SHC3: variants seen among roughly 807,000 people sequenced by gnomAD.
The protein encoded by SHC3 is SHC adaptor protein 3, also known as SHC-transforming protein 3.
Under a neutral mutation model 60.4 loss-of-function variants are expected in SHC3, and 15 were observed. The observed-to-expected ratio is 0.25, with a 90% CI of 0.17 to 0.38. SHC3 has a LOEUF of 0.38. SHC3 is among the 10% of genes least tolerant of loss of function. The probability of loss-of-function intolerance (pLI) is 1.00; values close to 1 mark genes in which losing one functional copy is unlikely to be tolerated. For missense variants in SHC3, 677 were observed against 786.1 expected, an observed-to-expected ratio of 0.86 and a Z score of 1.66; for synonymous variants, 294 against 325.9, an observed-to-expected ratio of 0.90 and a Z score of 1.05.
At chr9:89,027,933 A>G (rs1826348602) in intron 11 of SHC3, among the ~76,000 whole-genome samples, 1 of 152,234 alleles carries the variant, frequency 6.6e-6, no homozygotes, top group Non-Finnish European at 1.5e-5. Context: ...CTGAGCCTGC[A>G]GCTCCCGCTG....
chr9:89,059,354 G>GAC (rs2117955527), intron 6 of SHC3, among the ~76,000 whole-genome samples: 1 of 122,752 alleles, frequency 8.1e-6, no homozygotes, highest in African/African-American at 5.8e-5. Context: ...GGTGGTGGAG[G>GAC]ATGTAGTGGA....
intron 1 of SHC3, among the ~76,000 whole-genome samples, chr9:89,158,736 C>T (rs898866175): frequency 6.6e-5 from 10 of 152,192 alleles, no homozygotes; most frequent in African/African-American, 1.2e-4. Flanking sequence ...TGTTTCACCA[C>T]GCTGTTTTCA....
intron 1 of SHC3, among the ~76,000 whole-genome samples, chr9:89,135,983 A>G (rs1826314114): frequency 6.6e-6 from 1 of 152,218 alleles, no homozygotes; most frequent in African/African-American, 2.4e-5. Flanking sequence ...AAGCTTACGC[A>G]ATATTCTCTT....
intron 11 of SHC3, among the ~76,000 whole-genome samples, chr9:89,021,983 G>A (rs1051529070): frequency 3.3e-5 from 5 of 152,152 alleles, no homozygotes; most frequent in Non-Finnish European, 7.4e-5. Context: ...CGACTTGCCC[G>A]AGCCAGAGGT....
At chr9:89,045,217 G>T (rs1824752066) in intron 9 of SHC3, among the ~76,000 whole-genome samples, 1 of 151,982 alleles carries the variant, frequency 6.6e-6, no homozygotes, top group Non-Finnish European at 1.5e-5. Context: ...GGGTGTGAAT[G>T]GTCCTGGAGC....
At chr9:89,059,320 TTGTGGAGGATGGTGGTGGAGGACG>T (rs1825023608) in intron 6 of SHC3, among the ~76,000 whole-genome samples, 1 of 27,780 alleles carries the variant, frequency 3.6e-5, no homozygotes, top group Non-Finnish European at 6.0e-5. Context: ...GTGGAGGACG[TTGTGGAGGATGGTGGTGGAGGACG>T]GTGGTGGAGG....
chr9:89,149,199 G>A (rs1035650618), intron 1 of SHC3, among the ~76,000 whole-genome samples: 32 of 152,064 alleles, frequency 2.1e-4, no homozygotes, highest in African/African-American at 6.3e-4. Flanking sequence ...TTTTCAATTC[G>A]CTTTTCCTAA....
chr9:89,142,387 C>T (rs1826405667), intron 1 of SHC3, among the ~76,000 whole-genome samples: 2 of 151,972 alleles, frequency 1.3e-5, no homozygotes, highest in South Asian at 4.2e-4. Flanking sequence ...ATGGTGAAAC[C>T]CCATCTCTAT....
At position 89,012,541 on chromosome 9, in the gene SHC3, A is replaced by G. The variant is rs905424888; in HGVS notation, c.*906T>C. ...TATAAGGCGGGCGGGGGACTTTACT[A>G]GCAATTACCATAAGCAGCCTGTAGT... On this transcript the variant is annotated 3_prime_UTR_variant, in exon 12 of 12. Coordinates refer to ENST00000375835, the MANE Select transcript of SHC3 (RefSeq NM_016848.6). The G allele has an allele frequency of 1.3e-5, 2 of 152,138 alleles. No homozygotes were observed. The highest frequency in any genetic ancestry group is 4.8e-5 in the African/African-American group (2 of 41,412). 9.4% of individuals were successfully genotyped at this position (152,138 alleles called of 1,614,324 possible). A position where few individuals can be genotyped will look rare whatever the true frequency, so the allele number is the denominator to read the frequency against.
intron 1 of SHC3, among the ~76,000 whole-genome samples, chr9:89,157,429 G>A (rs1826638625): frequency 6.6e-6 from 1 of 152,220 alleles, no homozygotes; most frequent in Non-Finnish European, 1.5e-5. Context: ...GAAGCCTCCA[G>A]AACAAATGAG....
chr9:89,114,763 G>T (rs1275932713), intron 1 of SHC3, among the ~76,000 whole-genome samples: 1 of 152,082 alleles, frequency 6.6e-6, no homozygotes, highest in Non-Finnish European at 1.5e-5. Flanking sequence ...ATGTTGCAGA[G>T]TTATATAAAT....
Position 89,161,669 on chromosome 9 carries a change from T to G in SHC3, c.474+16318A>C, listed in dbSNP as rs542788196. Among the ~76,000 whole-genome samples the G allele has an allele frequency of 9.9e-5, 15 of 151,912 alleles. No homozygotes were observed. In the South Asian group the frequency reaches 1.3e-3, roughly 13 times the overall value. On this transcript the variant is annotated intron_variant, in intron 1 of 11. Transcript: ENST00000375835. ...GGGCAAAAACTGGAAGCATTCCCTT[T>G]GAAAACTGGCACAAGACAGGGATGC...
At chr9:89,030,614 T>C (rs1273979299) in intron 11 of SHC3, among the ~76,000 whole-genome samples, 1 of 152,196 alleles carries the variant, frequency 6.6e-6, no homozygotes, top group Non-Finnish European at 1.5e-5. Flanking sequence ...ATAAGGAAGA[T>C]ACAACAGTTA....
Position 89,009,702 on chromosome 9 carries a change from C to T in SHC3, c.*3745G>A, listed in dbSNP as rs908326105. ...GGTATCTACTCGTGGCCCGCATTGCCTCTGCCCTGGAAAGGCCTATAGTCC... is the reference window on the plus strand; with the variant it reads ...GGTATCTACTCGTGGCCCGCATTGCTTCTGCCCTGGAAAGGCCTATAGTCC... On this transcript the variant is annotated 3_prime_UTR_variant, in exon 12 of 12. Coordinates refer to ENST00000375835, the MANE Select transcript of SHC3 (RefSeq NM_016848.6). 1 of 152,216 alleles carries T rather than the reference C, an allele frequency of 6.6e-6. No homozygotes were observed. The highest frequency in any genetic ancestry group is 1.5e-5 in the Non-Finnish European group (1 of 68,060). The allele number at this position is 152,216 out of a possible 1,614,324, so 9.4% of individuals were successfully genotyped here.
intron 5 of SHC3, among the ~76,000 whole-genome samples, chr9:89,066,352 T>C (rs1254812846): frequency 6.6e-6 from 1 of 152,172 alleles, no homozygotes; most frequent in East Asian, 1.9e-4. Context: ...GATATAATGG[T>C]TATTTTCTTC....
In SHC3 at chr9:89,056,919, G is replaced by A. The variant is rs546537519; in HGVS notation, c.836-4756C>T. Among the ~76,000 whole-genome samples, 6 of 152,370 alleles carry A rather than the reference G, an allele frequency of 3.9e-5. No homozygotes were observed. The East Asian group carries it at 9.6e-4, about 24-fold the overall frequency. On this transcript the variant is annotated intron_variant, in intron 6 of 11. Coordinates refer to ENST00000375835, the MANE Select transcript of SHC3 (RefSeq NM_016848.6). ...GGGATCCATGCCCCACTTTCAGGAA[G>A]CCACACCCCAGCCTCACACTTCATG...
Position 89,093,896 on chromosome 9 carries a change from G to A in SHC3, c.546-15993C>T, listed in dbSNP as rs555479893. ...AGGTGGGTGGATCACCTGAGGTCAGGAGTTTGAGACCAGCCTGGCCAATAT... is the reference window on the plus strand; with the variant it reads ...AGGTGGGTGGATCACCTGAGGTCAGAAGTTTGAGACCAGCCTGGCCAATAT... On this transcript the variant is annotated intron_variant, in intron 2 of 11. Coordinates refer to ENST00000375835, the MANE Select transcript of SHC3 (RefSeq NM_016848.6). 3.3e-3 allele frequency among the ~76,000 whole-genome samples: 505 copies of A among 152,204 alleles called. 2 individuals carry two copies. The highest frequency in any genetic ancestry group is 5.6e-3 in the Non-Finnish European group (378 of 67,992).
intron 5 of SHC3, among the ~76,000 whole-genome samples, chr9:89,069,313 G>A (rs532373783): frequency 7.2e-5 from 11 of 152,222 alleles, no homozygotes; most frequent in Non-Finnish European, 1.3e-4. Context: ...TGTTGGATGA[G>A]TTCAACTGGG....
At position 89,013,578 on chromosome 9, in the gene SHC3, A is replaced by G. The variant is rs777217880; in HGVS notation, c.1657-3T>C. ...AAGACTCTGTCCTTTGTCCGGATCT[A>G]TGAATGAAGCAAAGGAAAGGTTAAG... is the stretch of plus-strand genomic sequence containing the variant. On this transcript the variant is annotated splice_polypyrimidine_tract_variant and splice_region_variant and intron_variant, in intron 11 of 11. Transcript: ENST00000375835. The G allele has an allele frequency of 3.7e-6, 6 of 1,609,930 alleles. No homozygotes were observed. Among genetic ancestry groups the G allele is most frequent in the Non-Finnish European group, 4.2e-6 (5 of 1,178,340 alleles).
Sources: gnomAD v4.1 joint callset for allele counts (sites outside exome capture counted in the v4.1 genomes callset) on GRCh38, gnomAD v4.1.1 for gene constraint, MANE v1.5 for transcripts, NCBI Gene and HGNC (gene_info 2026-07-23, HGNC 2026-07-21) for gene names.